Variants in CCDC191 observed in about 807,000 individuals in gnomAD.
CCDC191 encodes coiled-coil domain-containing protein 191.
CCDC191 carries 99 observed loss-of-function variants against 114.0 expected under a neutral mutation model. The observed-to-expected ratio is 0.87, with a 90% CI of 0.74 to 1.03. The LOEUF is 1.03. Among genes scored for constraint, CCDC191 ranks in the 50% least tolerant of loss-of-function variants. The pLI, the probability that CCDC191 is intolerant of heterozygous loss-of-function variation, is 0.00. For synonymous variants in CCDC191, 351 were observed against 376.0 expected, an observed-to-expected ratio of 0.93 and a Z score of 0.77; for missense variants, 973 against 1,087.0, an observed-to-expected ratio of 0.90 and a Z score of 1.47.
chr3:113,980,331 C>CAG (rs1331046089), intron 14 of CCDC191, among the ~76,000 whole-genome samples: 1 of 152,150 alleles, frequency 6.6e-6, no homozygotes, highest in Non-Finnish European at 1.5e-5. Flanking sequence ...TTATCACAGG[C>CAG]AGAAACCTGA....
At chr3:114,033,508 T>C (rs958731821) in intron 6 of CCDC191, among the ~76,000 whole-genome samples, 1 of 152,202 alleles carries the variant, frequency 6.6e-6, no homozygotes, top group Non-Finnish European at 1.5e-5. Context: ...CAAATTGCTT[T>C]CTGGAAAGTT....
At chr3:114,048,169 C>T (rs1156601942) in intron 2 of CCDC191, among the ~76,000 whole-genome samples, 2 of 152,098 alleles carry the variant, frequency 1.3e-5, no homozygotes, top group African/African-American at 4.8e-5. Context: ...TTGATCAGGA[C>T]ATCTGTTGAC....
intron 16 of CCDC191, among the ~76,000 whole-genome samples, chr3:113,974,856 T>C (rs767606230): frequency 3.3e-5 from 5 of 152,210 alleles, no homozygotes; most frequent in Non-Finnish European, 5.9e-5. Context: ...ACCTTTCTCT[T>C]GCTCTCTCAA....
chr3:114,042,759 GAC>G lies in CCDC191; in HGVS notation c.357_358del (p.Ser120LysfsTer15), dbSNP rs762053916. 4 of 1,599,948 alleles carry G rather than the reference GAC, an allele frequency of 2.5e-6. No homozygotes were observed. The highest frequency in any genetic ancestry group is 2.3e-5 in the South Asian group (2 of 88,144). ...GGCTTCCGGCATAATAGTGACACTTGACACAGTGTTTTTAGCATCACCTTCTT... is the reference window on the plus strand; with the variant it reads ...GGCTTCCGGCATAATAGTGACACTTGACAGTGTTTTTAGCATCACCTTCTT... On this transcript the variant is annotated frameshift_variant, in exon 4 of 17. Coordinates refer to ENST00000295878, the MANE Select transcript of CCDC191 (RefSeq NM_020817.2). LOFTEE classifies it high-confidence loss of function.
chr3:113,980,634 C>G lies in CCDC191; in HGVS notation c.2307+16G>C. On this transcript the variant is annotated intron_variant, in intron 14 of 16. Transcript: ENST00000295878. The stretch of plus-strand genomic sequence containing the variant: ...GTCCATTTTCTAATCTGGGGGATAA[C>G]AGTGGGACAGTGTACCTGGATGTTT... 4 of 1,569,190 alleles carry G rather than the reference C, an allele frequency of 2.5e-6. No individual in the cohort carries two copies. Among genetic ancestry groups the G allele is most frequent in the Non-Finnish European group, 3.4e-6 (4 of 1,166,188 alleles).
At chr3:113,979,218 G>A (rs1354447527) in intron 14 of CCDC191, among the ~76,000 whole-genome samples, 1 of 152,134 alleles carries the variant, frequency 6.6e-6, no homozygotes. Flanking sequence ...GCCTTTCAAT[G>A]CCAGCTCCCT....
At chr3:114,026,804 T>C (rs945908367) in intron 7 of CCDC191, among the ~76,000 whole-genome samples, 1 of 152,184 alleles carries the variant, frequency 6.6e-6, no homozygotes, top group East Asian at 1.9e-4. Flanking sequence ...CTTTGGATCA[T>C]TATTATTTTA....
chr3:113,992,698 G>A (rs1301898714), intron 13 of CCDC191, among the ~76,000 whole-genome samples: 1 of 152,024 alleles, frequency 6.6e-6, no homozygotes, highest in Non-Finnish European at 1.5e-5. Flanking sequence ...TGCACGTTGT[G>A]CACACGTACC....
intron 7 of CCDC191, among the ~76,000 whole-genome samples, chr3:114,019,278 A>G (rs1177158458): frequency 6.6e-6 from 1 of 152,188 alleles, no homozygotes; most frequent in African/African-American, 2.4e-5. Flanking sequence ...CTGACACACT[A>G]GTGTCCACAC....
rs1242081825 is a variant in CCDC191 at position 114,034,945 on chromosome 3, A to C, written c.798T>G (p.Thr266=). ...LRREIIERRR[T]VKAAWKIEKK... is the part of the protein sequence containing the mutation. ...CTTACATTTTCCATGCTGCTTTCAC[A>C]GTGCGTCTCCTCTCAATTATCTCCC... The change falls in exon 6 of 17, where the codon ACT becomes ACG. Residue 266 remains threonine, a synonymous_variant. Transcript: ENST00000295878. 6.2e-7 allele frequency: 1 copy of C among 1,613,994 alleles called. No individual in the cohort carries two copies. Among genetic ancestry groups the C allele is most frequent in the Non-Finnish European group, 8.5e-7 (1 of 1,179,958 alleles).
intron 7 of CCDC191, among the ~76,000 whole-genome samples, chr3:114,023,173 G>C (rs324559): frequency 0.24 from 36,394 of 151,492 alleles, 5,133 homozygotes; most frequent in Middle Eastern, 0.36. Context: ...TCTTCAAGGA[G>C]AACTACAAAC....
chr3:114,002,056 A>G (rs901064549), intron 12 of CCDC191, among the ~76,000 whole-genome samples: 3 of 152,190 alleles, frequency 2.0e-5, no homozygotes, highest in South Asian at 2.1e-4. Flanking sequence ...AAAACCCCCA[A>G]TTGTTGGAAC....
At chr3:114,008,753 A>C (rs768161121) in intron 9 of CCDC191, among the ~76,000 whole-genome samples, 5 of 152,182 alleles carry the variant, frequency 3.3e-5, no homozygotes, top group Non-Finnish European at 5.9e-5. Context: ...AAAAGATATC[A>C]AATAGAAAAA....
intron 13 of CCDC191, 107 bp downstream of exon 13, chr3:114,001,488 A>T: frequency 7.1e-7 from 1 of 1,417,962 alleles, no homozygotes; most frequent in Non-Finnish European, 9.5e-7. Context: ...AGGGTGAGAG[A>T]AGAGTATTCC....
chr3:114,040,858 T>C (rs1005102016), intron 4 of CCDC191, among the ~76,000 whole-genome samples: 2 of 152,170 alleles, frequency 1.3e-5, no homozygotes, highest in Non-Finnish European at 2.9e-5. Context: ...CTTTATCAAG[T>C]TGAAGAATTT....
chr3:114,035,065 C>T lies in CCDC191; in HGVS notation c.678G>A (p.Glu226=). ...EKTLKKSAFL[E]AQCLVQEEKK... ...TCTCTTCTTGCACCAGACACTGAGC[C>T]TCCAAGAAGGCCGATTTTTTCAGGG... The change falls in exon 6 of 17, where the codon GAG becomes GAA. Residue 226 remains glutamate (E), a synonymous_variant. Transcript: ENST00000295878. The T allele has an allele frequency of 6.2e-6, 10 of 1,614,118 alleles. No homozygotes were observed. Among genetic ancestry groups the T allele is most frequent in the Non-Finnish European group, 8.5e-6 (10 of 1,179,990 alleles).
chr3:114,056,417 A>G lies in CCDC191; in HGVS notation c.50T>C (p.Leu17Pro). 5 of 1,614,132 alleles carry G rather than the reference A, an allele frequency of 3.1e-6. No homozygotes were observed. Among genetic ancestry groups the G allele is most frequent in the Non-Finnish European group, 3.4e-6 (4 of 1,180,026 alleles). Residue 17 changes from leucine (L) to proline (P), a missense_variant, in exon 1 of 17, where the codon CTG (leucine) becomes CCG (proline). Physicochemically the swap from Leu to Pro is moderately conservative, Grantham distance 98. Coordinates refer to ENST00000295878, the MANE Select transcript of CCDC191 (RefSeq NM_020817.2). ...GRSFSKKRMG[L>P]NRWKRFTRKP... Reference sequence around the variant, plus strand: ...CCTTGTGAACCGTTTCCAGCGATTCAGCCCCATCCTTTTCTTTGAGAAGGA... The same window carrying G: ...CCTTGTGAACCGTTTCCAGCGATTCGGCCCCATCCTTTTCTTTGAGAAGGA...
Position 114,004,620 on chromosome 3 carries a change from C to A in CCDC191, c.1978+17G>T. On this transcript the variant is annotated intron_variant, in intron 11 of 16. Transcript: ENST00000295878. ...AGAAGATAACAACCACCAAGGCCAC[C>A]ACCGAGACAGCCCTGCCTTTTAGTA... The A allele has an allele frequency of 6.2e-7, 1 of 1,609,698 alleles. No individual in the cohort carries two copies.
intron 13 of CCDC191, among the ~76,000 whole-genome samples, chr3:113,988,023 C>T (rs2075423533): frequency 6.6e-6 from 1 of 150,506 alleles, no homozygotes. Context: ...GCCTGGGCGA[C>T]AGAGCAAGAC....
Sources: allele counts gnomAD v4.1 joint callset (sites outside exome capture counted in the v4.1 genomes callset), GRCh38; gene constraint gnomAD v4.1.1; transcripts MANE v1.5; gene names NCBI Gene and HGNC (gene_info 2026-07-23, HGNC 2026-07-21).